SCHIP1: variants seen among roughly 807,000 people sequenced by gnomAD.
The protein encoded by SCHIP1 is schwannomin-interacting protein 1.
Under a neutral mutation model 29.7 loss-of-function variants are expected in SCHIP1, and 8 were observed. The observed-to-expected ratio is 0.27, with a 90% CI of 0.16 to 0.49. The LOEUF is 0.49. SCHIP1 is among the 20% of genes least tolerant of loss of function. The pLI is 0.99. For missense variants in SCHIP1, 193 were observed against 294.6 expected (o/e 0.66, Z 2.52); for synonymous variants, 76 against 94.9 (o/e 0.80, Z 1.16).
chr3:159,291,849 C>G, the SCHIP1 span, among the ~76,000 whole-genome samples: 2 of 151,800 alleles, frequency 1.3e-5, no homozygotes, highest in East Asian at 3.9e-4. Context: ...ACAATTGACT[C>G]GGGTTCTTCA....
the SCHIP1 span, among the ~76,000 whole-genome samples, chr3:159,506,683 A>G: frequency 6.6e-6 from 1 of 152,198 alleles, no homozygotes; most frequent in South Asian, 2.1e-4. Context: ...CTTTCTACAT[A>G]TGGCTAGCCA....
the SCHIP1 span, among the ~76,000 whole-genome samples, chr3:159,319,597 T>C: frequency 2.6e-5 from 4 of 152,364 alleles, no homozygotes; most frequent in East Asian, 3.9e-4. Context: ...TAAAGTTCTA[T>C]TAAAATGTCA....
At chr3:159,411,382 T>C in the SCHIP1 span, among the ~76,000 whole-genome samples, 2 of 152,104 alleles carry the variant, frequency 1.3e-5, no homozygotes, top group African/African-American at 2.4e-5. Context: ...TGTAACAAAA[T>C]ATCTCATGTA....
chr3:159,311,029 T>A, the SCHIP1 span, among the ~76,000 whole-genome samples: 2 of 152,144 alleles, frequency 1.3e-5, no homozygotes, highest in Admixed American at 6.6e-5. Context: ...GTTTTTATGA[T>A]TTTATAATGC....
chr3:159,550,352 C>T, the SCHIP1 span, among the ~76,000 whole-genome samples: 1 of 151,908 alleles, frequency 6.6e-6, no homozygotes, highest in African/African-American at 2.4e-5. Flanking sequence ...TATAAAAATG[C>T]CTTTCTCCTT....
At chr3:159,820,129 C>T in the SCHIP1 span, among the ~76,000 whole-genome samples, 9 of 152,294 alleles carry the variant, frequency 5.9e-5, no homozygotes, top group Admixed American at 1.3e-4. Flanking sequence ...ACCAGGAGAA[C>T]TCTGCTGTTG....
the SCHIP1 span, among the ~76,000 whole-genome samples, chr3:159,501,459 C>G: frequency 6.6e-6 from 1 of 152,278 alleles, no homozygotes; most frequent in East Asian, 1.9e-4. Flanking sequence ...GGAGACTTGC[C>G]TAATTACCAC....
At chr3:159,727,486 A>G in the SCHIP1 span, among the ~76,000 whole-genome samples, 2 of 152,148 alleles carry the variant, frequency 1.3e-5, no homozygotes, top group African/African-American at 4.8e-5. Context: ...TTCCCACCCT[A>G]AGAAGGTGCA....
intron 1 of SCHIP1, among the ~76,000 whole-genome samples, chr3:159,851,403 C>T (rs377620528): frequency 6.6e-6 from 1 of 152,358 alleles, no homozygotes; most frequent in African/African-American, 2.4e-5. Flanking sequence ...AGCCCATATT[C>T]ATCTTCCTTA....
At chr3:159,445,703 AATG>A in the SCHIP1 span, among the ~76,000 whole-genome samples, 1 of 152,206 alleles carries the variant, frequency 6.6e-6, no homozygotes, top group Admixed American at 6.5e-5. Flanking sequence ...AGCCATAAAA[AATG>A]ATGAGTTCAT....
chr3:159,591,248 AC>A, the SCHIP1 span, among the ~76,000 whole-genome samples: 102 of 152,220 alleles, frequency 6.7e-4, no homozygotes, highest in Admixed American at 1.8e-3. Flanking sequence ...CTATTTGAAT[AC>A]CCTTTATTTC....
At chr3:159,331,606 C>T in the SCHIP1 span, among the ~76,000 whole-genome samples, 1 of 152,110 alleles carries the variant, frequency 6.6e-6, no homozygotes, top group Admixed American at 6.5e-5. Context: ...GGCAGGAACC[C>T]CTCTCCATCC....
At chr3:159,587,868 T>C in the SCHIP1 span, among the ~76,000 whole-genome samples, 3 of 152,230 alleles carry the variant, frequency 2.0e-5, no homozygotes, top group South Asian at 2.1e-4. Context: ...CAGTCTATCA[T>C]TGATGGACAT....
the SCHIP1 span, among the ~76,000 whole-genome samples, chr3:159,402,088 A>C: frequency 6.6e-6 from 1 of 152,198 alleles, no homozygotes; most frequent in South Asian, 2.1e-4. Flanking sequence ...TTACAAGAAA[A>C]AAACAAACAA....
chr3:159,624,693 AAT>A, the SCHIP1 span, among the ~76,000 whole-genome samples: 2 of 152,258 alleles, frequency 1.3e-5, no homozygotes, highest in East Asian at 3.9e-4. Flanking sequence ...GGCAGCTACA[AAT>A]AATAGCTAAA....
chr3:159,446,217 C>A, the SCHIP1 span, among the ~76,000 whole-genome samples: 1 of 151,978 alleles, frequency 6.6e-6, no homozygotes, highest in Non-Finnish European at 1.5e-5. Flanking sequence ...GACACACATA[C>A]ATGCAAACAC....
At chr3:159,602,390 C>G in the SCHIP1 span, among the ~76,000 whole-genome samples, 1 of 152,096 alleles carries the variant, frequency 6.6e-6, no homozygotes, top group African/African-American at 2.4e-5. Context: ...GAACCAGAAT[C>G]CAGATCTTAT....
chr3:159,800,591 A>T, the SCHIP1 span, among the ~76,000 whole-genome samples: 1 of 152,216 alleles, frequency 6.6e-6, no homozygotes, highest in Non-Finnish European at 1.5e-5. Flanking sequence ...TGGCTGCATG[A>T]CAGTGATTCT....
At chr3:159,489,145 C>T in the SCHIP1 span, among the ~76,000 whole-genome samples, 37 of 152,086 alleles carry the variant, frequency 2.4e-4, no homozygotes, top group African/African-American at 8.7e-4. Flanking sequence ...TTTAATCATG[C>T]AATAGTTTTG....
Sources: allele counts gnomAD v4.1 joint callset (sites outside exome capture counted in the v4.1 genomes callset), GRCh38; gene constraint gnomAD v4.1.1; transcripts MANE v1.5; gene names NCBI Gene and HGNC (gene_info 2026-07-23, HGNC 2026-07-21).